Variants in KDSR observed in about 807,000 individuals in gnomAD.
KDSR encodes 3-dehydrosphinganine reductase.
KDSR carries 23 observed loss-of-function variants against 41.3 expected under a neutral mutation model. The observed-to-expected ratio is 0.56, with a 90% CI of 0.40 to 0.79. The LOEUF (loss-of-function observed/expected upper bound fraction) is 0.79. Ranked by LOEUF, KDSR falls within the 30% of genes least tolerant of loss-of-function variation. The pLI is 0.00. For missense variants in KDSR, 351 were observed against 416.8 expected (o/e 0.84, Z 1.37); for synonymous variants, 138 against 151.7 (o/e 0.91, Z 0.66).
chr18:63,344,292 G>A, intron 7 of KDSR, 118 bp downstream of exon 7: 1 of 628,238 alleles, frequency 1.6e-6, no homozygotes, highest in Non-Finnish European at 2.9e-6. Context: ...AACCAGCTAG[G>A]CACTCTACCC....
At position 63,329,364 on chromosome 18, in the gene KDSR, A is replaced by T; in HGVS notation, c.*2418T>A. On this transcript the variant is annotated 3_prime_UTR_variant, in exon 10 of 10. Transcript: ENST00000645214. ...ATGGATATTTCTTCAGGGAAAATTA[A>T]GTCACAATGAAGTAGCATAAATATA... The T allele has an allele frequency of 4.8e-6, 1 of 208,856 alleles. No individual in the cohort carries two copies. Among genetic ancestry groups the T allele is most frequent in the Non-Finnish European group, 9.8e-6 (1 of 102,548 alleles). 12.9% of individuals were successfully genotyped at this position (208,856 alleles called of 1,614,324 possible). A position where few individuals can be genotyped will look rare whatever the true frequency, so the allele number is the denominator to read the frequency against.
chr18:63,331,272 GAGAGAGAGAGAGAC>G lies in KDSR; in HGVS notation c.*496_*509del, dbSNP rs1449079928. ...TAAAATACACAAAGAAAGAAAGAGA[GAGAGAGAGAGAGAC>G]AGAGAGACAGAGAGACAGAGAGACA... On this transcript the variant is annotated 3_prime_UTR_variant, in exon 10 of 10. Transcript: ENST00000645214. 4.0e-5 allele frequency: 6 copies of G among 151,672 alleles called. No individual in the cohort carries two copies. The highest frequency in any genetic ancestry group is 1.5e-4 in the African/African-American group (5 of 32,528). 9.4% of individuals were successfully genotyped at this position (151,672 alleles called of 1,614,324 possible).
intron 5 of KDSR, among the ~76,000 whole-genome samples, chr18:63,352,847 C>T (rs1914692994): frequency 1.3e-5 from 2 of 151,662 alleles, no homozygotes; most frequent in African/African-American, 2.4e-5. Flanking sequence ...AGTGTGTTTT[C>T]GTAACATAAT....
At chr18:63,364,241 T>C (rs192578930) in intron 1 of KDSR, among the ~76,000 whole-genome samples, 23 of 152,190 alleles carry the variant, frequency 1.5e-4, no homozygotes, top group African/African-American at 5.5e-4. Flanking sequence ...CTGTATTTCT[T>C]CTTTATGACA....
chr18:63,330,911 A>G lies in KDSR; in HGVS notation c.*871T>C, dbSNP rs1293911274. 6 of 228,590 alleles carry G rather than the reference A, an allele frequency of 2.6e-5. No homozygotes were observed. The highest frequency in any genetic ancestry group is 5.2e-5 in the Non-Finnish European group (6 of 115,082). The allele number at this position is 228,590 out of a possible 1,614,324, so 14.2% of individuals were successfully genotyped here. ...TGCTAAAATGGGATAGGTGAACTTC[A>G]GGTCATCATGGTTATTGAAGGAACT... is the stretch of plus-strand genomic sequence containing the variant. On this transcript the variant is annotated 3_prime_UTR_variant, in exon 10 of 10. Transcript: ENST00000645214.
intron 4 of KDSR, 58 bp downstream of exon 4, chr18:63,355,440 G>GC: frequency 2.5e-6 from 4 of 1,612,282 alleles, no homozygotes; most frequent in Non-Finnish European, 3.4e-6. Context: ...TAGCAAAATG[G>GC]CAAGAACAAA....
At position 63,333,015 on chromosome 18, in the gene KDSR, A is replaced by C. The variant is rs144614100; in HGVS notation, c.880-1114T>G. 6.6e-3 allele frequency among the ~76,000 whole-genome samples: 1,003 copies of C among 152,172 alleles called. 9 individuals carry two copies. Among genetic ancestry groups the C allele is most frequent in the African/African-American group, 0.023 (956 of 41,528 alleles). On this transcript the variant is annotated intron_variant, in intron 9 of 9. Transcript: ENST00000645214. Reference sequence around the variant, plus strand: ...AAAAGAAGAAGATGGGTAAAGAAAGAAAGAAAAAAAAGAGCCTGGAAAGGT... The same window carrying C: ...AAAAGAAGAAGATGGGTAAAGAAAGCAAGAAAAAAAAGAGCCTGGAAAGGT...
chr18:63,352,462 C>G (rs1417161053), intron 5 of KDSR, among the ~76,000 whole-genome samples: 1 of 152,060 alleles, frequency 6.6e-6, no homozygotes. Context: ...TTACAGGCGC[C>G]AGCCACCATG....
chr18:63,337,113 A>ACTATATATATATATATATAT (rs1555713254), intron 8 of KDSR, among the ~76,000 whole-genome samples: 1 of 127,774 alleles, frequency 7.8e-6, no homozygotes, highest in African/African-American at 3.2e-5. Flanking sequence ...TATATATGTG[A>ACTATATATATATATATATAT]ATATATATAT....
intron 5 of KDSR, 98 bp from the exon 6 acceptor site, chr18:63,351,177 C>A: frequency 1.1e-6 from 1 of 949,240 alleles, no homozygotes. Flanking sequence ...TCAATGCAAG[C>A]TCAAGTGACT....
rs1913953609 is a variant in KDSR, at chr18:63,330,750, A to G, written c.*1032T>C. The stretch of plus-strand genomic sequence containing the variant: ...CTTTTTAATTTTTTCATTTGCTTTA[A>G]TTAATTCATGAGTTAAGTTAAAAAG... On this transcript the variant is annotated 3_prime_UTR_variant, in exon 10 of 10. Transcript: ENST00000645214. 6 of 230,324 alleles carry G rather than the reference A, an allele frequency of 2.6e-5. No homozygotes were observed. The Admixed American group carries it at 2.8e-4, about 11-fold the overall frequency. The allele number at this position is 230,324 out of a possible 1,614,324, so 14.3% of individuals were successfully genotyped here. A position where few individuals can be genotyped will look rare whatever the true frequency, so the allele number is the denominator to read the frequency against.
intron 1 of KDSR, among the ~76,000 whole-genome samples, chr18:63,364,485 C>G (rs1915078434): frequency 6.6e-6 from 1 of 151,816 alleles, no homozygotes; most frequent in South Asian, 2.1e-4. Context: ...GCTCAGTCAC[C>G]CAGGCTGGAG....
At chr18:63,363,242 C>CT (rs1915044665) in intron 1 of KDSR, among the ~76,000 whole-genome samples, 1 of 123,498 alleles carries the variant, frequency 8.1e-6, no homozygotes, top group African/African-American at 3.1e-5. Context: ...TTATTATACT[C>CT]TAAGTTTTAG....
intron 1 of KDSR, 27 bp downstream of exon 1, chr18:63,366,983 CG>C (rs762349881): frequency 1.1e-4 from 131 of 1,217,996 alleles, no homozygotes; most frequent in Non-Finnish European, 1.3e-4. Flanking sequence ...GCCGGTAAGT[CG>C]GGGGGCAGCA....
intron 8 of KDSR, among the ~76,000 whole-genome samples, chr18:63,336,502 T>TG (rs1315692844): frequency 6.6e-6 from 1 of 152,184 alleles, no homozygotes; most frequent in Non-Finnish European, 1.5e-5. Context: ...AATTAAGATT[T>TG]GGAAAAACTA....
chr18:63,335,742 TAATA>T (rs944038436), intron 8 of KDSR: 2 of 156,398 alleles, frequency 1.3e-5, no homozygotes, highest in Middle Eastern at 3.0e-3. Context: ...GCACTCGCAG[TAATA>T]AATAATACAC....
At position 63,329,032 on chromosome 18, in the gene KDSR, A is replaced by C. The variant is rs1256004853; in HGVS notation, c.*2750T>G. 1.0e-5 allele frequency: 2 copies of C among 197,194 alleles called. No individual in the cohort carries two copies. Among genetic ancestry groups the C allele is most frequent in the Non-Finnish European group, 2.1e-5 (2 of 95,362 alleles). The allele number at this position is 197,194 out of a possible 1,614,324, so 12.2% of individuals were successfully genotyped here. A position where few individuals can be genotyped will look rare whatever the true frequency, so the allele number is the denominator to read the frequency against. On this transcript the variant is annotated 3_prime_UTR_variant, in exon 10 of 10. Coordinates refer to ENST00000645214, the MANE Select transcript of KDSR (RefSeq NM_002035.4). ...GTGATCCTTTAAAAACAAAGTCATT[A>C]GTTTCCGTAACAATCACACTCAGGG...
intron 2 of KDSR, among the ~76,000 whole-genome samples, chr18:63,361,229 AAAAAAAAAG>A (rs1173795648): frequency 7.2e-6 from 1 of 138,032 alleles, no homozygotes; most frequent in Non-Finnish European, 1.5e-5. Flanking sequence ...AAAAAAAAAA[AAAAAAAAAG>A]AATGAATTAC....
rs201436361 is a variant in KDSR at position 63,355,526 on chromosome 18, T to C, written c.293A>G (p.Tyr98Cys). The C allele has an allele frequency of 6.0e-5, 97 of 1,608,992 alleles. No individual in the cohort carries two copies. Among genetic ancestry groups the C allele is most frequent in the Non-Finnish European group, 7.5e-5 (88 of 1,178,854 alleles). ...LCISVDVSQD[Y>C]NQVENVIKQA... ...TTTTATGACATTCTCTACTTGGTTATAGTCTTGAGATACATCAACTGATAT... is the reference window on the plus strand; with the variant it reads ...TTTTATGACATTCTCTACTTGGTTACAGTCTTGAGATACATCAACTGATAT... Residue 98 changes from tyrosine to cysteine, a missense_variant, in exon 4 of 10, where the codon TAT becomes TGT. Tyr to Cys is a radical substitution (Grantham distance 194). Coordinates refer to ENST00000645214, the MANE Select transcript of KDSR (RefSeq NM_002035.4).
Sources: allele counts gnomAD v4.1 joint callset (sites outside exome capture counted in the v4.1 genomes callset), GRCh38; gene constraint gnomAD v4.1.1; transcripts MANE v1.5; gene names NCBI Gene and HGNC (gene_info 2026-07-23, HGNC 2026-07-21).